The following BDNF variants were observed in gnomAD, a reference collection of about 807,000 sequenced individuals.
The protein encoded by BDNF is brain derived neurotrophic factor, also known as neurotrophic factor BDNF precursor form.
In BDNF, 1 loss-of-function variant was observed where a neutral mutation model predicts 19.5. The ratio of observed to expected loss-of-function variants is 0.05; its 90% CI spans 0.02 to 0.24. The LOEUF is 0.24. BDNF is among the 10% of genes least tolerant of loss of function. BDNF has a pLI of 1.00. For missense variants in BDNF, 195 were observed against 317.6 expected (o/e 0.61, Z 2.93); for synonymous variants, 100 against 121.6 (o/e 0.82, Z 1.17).
chr11:27,709,660 C>T (rs1366989928), intron 1 of BDNF, among the ~76,000 whole-genome samples: 1 of 152,058 alleles, frequency 6.6e-6, no homozygotes. Context: ...AGTTTCTGGC[C>T]ATGTAACCTG....
chr11:27,685,803 A>G (rs1020073790), intron 1 of BDNF, among the ~76,000 whole-genome samples: 1 of 69,290 alleles, frequency 1.4e-5, no homozygotes, highest in Non-Finnish European at 3.1e-5. Flanking sequence ...TTTGCTGAGG[A>G]GTGTTTTACT....
rs568768618 is a variant in BDNF at position 27,656,842 on chromosome 11, C to T, written c.*979G>A. On this transcript the variant is annotated 3_prime_UTR_variant, in exon 2 of 2. Coordinates refer to ENST00000356660, the MANE Select transcript of BDNF (RefSeq NM_001709.5). ...AAAATCACTGTTCTCCATGCTTATA[C>T]GAGTGTCATGATGTGACACAATGTG... 64 of 985,202 alleles carry T rather than the reference C, an allele frequency of 6.5e-5. No homozygotes were observed. Among genetic ancestry groups the T allele is most frequent in the Admixed American group, 1.8e-4 (3 of 16,272 alleles). The allele number at this position is 985,202 out of a possible 1,614,324, so 61.0% of individuals were successfully genotyped here.
rs971070363 is a variant in BDNF, at chr11:27,677,878, T to G, written c.-21-19293A>C. On this transcript the variant is annotated intron_variant, in intron 1 of 1. Transcript: ENST00000356660. Reference sequence around the variant, plus strand: ...TCCACCAATCACCAAAAACAGAGATTTACACCAGTTCCTTTGCTTGTTTTT... The same window carrying G: ...TCCACCAATCACCAAAAACAGAGATGTACACCAGTTCCTTTGCTTGTTTTT... The G allele has an allele frequency of 3.0e-4, 45 of 152,150 alleles. 1 individual carries two copies. The highest frequency in any genetic ancestry group is 1.1e-3 in the African/African-American group (44 of 41,426). The allele number at this position is 152,150 out of a possible 1,614,324, so 9.4% of individuals were successfully genotyped here.
intron 1 of BDNF, among the ~76,000 whole-genome samples, chr11:27,682,211 C>T (rs1856916388): frequency 6.6e-6 from 1 of 151,990 alleles, no homozygotes; most frequent in Non-Finnish European, 1.5e-5. Context: ...CTGTCCCATA[C>T]ATCCAAACCA....
upstream of BDNF, chr11:27,701,656 C>T: frequency 1.0e-6 from 1 of 981,950 alleles, no homozygotes; most frequent in Non-Finnish European, 1.2e-6. Flanking sequence ...GAGGGCTCCA[C>T]GGTGCCTTGA....
chr11:27,718,563 C>A (rs1860618044), intron 1 of BDNF, among the ~76,000 whole-genome samples: 2 of 144,686 alleles, frequency 1.4e-5, no homozygotes, highest in Non-Finnish European at 3.0e-5. Context: ...CGCCACGCTC[C>A]CCTGCCCGCC....
At chr11:27,710,433 T>C (rs2134103926) in intron 1 of BDNF, among the ~76,000 whole-genome samples, 1 of 152,360 alleles carries the variant, frequency 6.6e-6, no homozygotes, top group South Asian at 2.1e-4. Context: ...TCCAGAGTTC[T>C]GAGTTGGTGC....
At chr11:27,701,171 A>G, upstream of BDNF, 1 of 1,206,618 alleles carries the variant, frequency 8.3e-7, no homozygotes, top group Non-Finnish European at 1.1e-6. Context: ...ACGCCCCCAG[A>G]TAACGTTACA....
In BDNF at chr11:27,658,007, G is replaced by A; in HGVS notation, c.558C>T (p.Cys186=). Residue 186 remains cysteine (C), a synonymous_variant, in exon 2 of 2, where the codon TGC becomes TGT. Coordinates refer to ENST00000356660, the MANE Select transcript of BDNF (RefSeq NM_001709.5). The surrounding 1 kb of genome is among the most constrained non-coding windows in gnomAD (Gnocchi z 5.7). ...CTTCTTTTGTGTAACCCATGGGATT[G>A]CACTTGGTCTCGTAGAAGTATTGCT... ...QLKQYFYETK[C]NPMGYTKEGC... is the part of the protein sequence containing the mutation. The A allele has an allele frequency of 1.4e-5, 22 of 1,614,110 alleles. No homozygotes were observed. Among genetic ancestry groups the A allele is most frequent in the Non-Finnish European group, 1.9e-5 (22 of 1,180,018 alleles).
chr11:27,681,364 C>G (rs1856811549), intron 1 of BDNF, among the ~76,000 whole-genome samples: 1 of 152,120 alleles, frequency 6.6e-6, no homozygotes, highest in Non-Finnish European at 1.5e-5. Context: ...TAGACAAAAA[C>G]ATCATATCTA....
chr11:27,687,886 C>T (rs1857698834), intron 1 of BDNF, among the ~76,000 whole-genome samples: 1 of 152,220 alleles, frequency 6.6e-6, no homozygotes, highest in African/African-American at 2.4e-5. Context: ...TCACGAGGGT[C>T]AGGGACCTGC....
intron 1 of BDNF, chr11:27,660,367 T>C (rs565374712): frequency 2.3e-6 from 1 of 437,800 alleles, no homozygotes; most frequent in South Asian, 2.2e-5. Context: ...TGTTCTCAGA[T>C]TAGGAAGGGA....
intron 1 of BDNF, among the ~76,000 whole-genome samples, chr11:27,706,728 G>C (rs1165628761): frequency 6.6e-6 from 1 of 152,192 alleles, no homozygotes; most frequent in Non-Finnish European, 1.5e-5. Context: ...AAACACAGGA[G>C]TCATGAATTA....
At chr11:27,720,880 T>C in intron 1 of BDNF, 1 of 643,042 alleles carries the variant, frequency 1.6e-6, no homozygotes, top group Non-Finnish European at 1.9e-6. Flanking sequence ...TGAGAACCTT[T>C]TCTTCTACGA....
intron 1 of BDNF, among the ~76,000 whole-genome samples, chr11:27,707,695 G>C (rs1323879775): frequency 4.6e-5 from 7 of 152,172 alleles, no homozygotes; most frequent in Admixed American, 4.6e-4. Flanking sequence ...AGATGGGGTG[G>C]AATGGGGAAT....
chr11:27,704,521 C>T (rs1046439868), upstream of BDNF, among the ~76,000 whole-genome samples: 4 of 152,046 alleles, frequency 2.6e-5, no homozygotes, highest in Admixed American at 2.0e-4. Flanking sequence ...TTCCTAGTTA[C>T]TCCTACCTTC....
At chr11:27,713,774 C>T (rs1212422770) in intron 1 of BDNF, among the ~76,000 whole-genome samples, 3 of 152,142 alleles carry the variant, frequency 2.0e-5, no homozygotes, top group Non-Finnish European at 4.4e-5. Flanking sequence ...AGGTTAAAAA[C>T]TTTGACAAAG....
intron 1 of BDNF, among the ~76,000 whole-genome samples, chr11:27,708,616 GA>G (rs1860206249): frequency 6.6e-6 from 1 of 151,564 alleles, no homozygotes; most frequent in Admixed American, 6.6e-5. Context: ...ATGTTTATAA[GA>G]GCACAATTTT....
chr11:27,659,657 G>T (rs984769514), intron 1 of BDNF: 3 of 972,914 alleles, frequency 3.1e-6, no homozygotes, highest in Non-Finnish European at 2.5e-6. Flanking sequence ...GTGCGCGCGC[G>T]CGTGTGCGCG....
Sources: gnomAD v4.1 joint callset for allele counts (sites outside exome capture counted in the v4.1 genomes callset) on GRCh38, gnomAD v4.1.1 for gene constraint, Gnocchi (gnomAD v3.1) non-coding constraint, MANE v1.5 for transcripts, NCBI Gene and HGNC (gene_info 2026-07-23, HGNC 2026-07-21) for gene names.